The following PRLR variants were observed in gnomAD, a reference collection of about 807,000 sequenced individuals.
PRLR encodes prolactin receptor.
Under a neutral mutation model 40.2 loss-of-function variants are expected in PRLR, and 13 were observed. That is an observed-to-expected ratio of 0.32 (90% CI 0.21 to 0.51). The LOEUF is 0.51. Among genes scored for constraint, PRLR ranks in the 20% least tolerant of loss-of-function variants. PRLR has a pLI of 0.97. For synonymous variants in PRLR, 269 were observed against 278.7 expected, an observed-to-expected ratio of 0.97 and a Z score of 0.35; for missense variants, 656 against 747.3, an observed-to-expected ratio of 0.88 and a Z score of 1.42.
At position 35,097,497 on chromosome 5, in the gene PRLR, C is replaced by T. The variant is rs1771604500; in HGVS notation, c.-43-7834G>A. ...TGAGTTGGATATGGAGGAAGAGGAA[C>T]TCAGGATTTGATCTCTGGGGTCTGT... is the stretch of plus-strand genomic sequence containing the variant. On this transcript the variant is annotated intron_variant, in intron 2 of 9. Coordinates refer to ENST00000618457, the MANE Select transcript of PRLR (RefSeq NM_000949.7). Among the ~76,000 whole-genome samples, 6 of 152,142 alleles carry T rather than the reference C, an allele frequency of 3.9e-5. No individual in the cohort carries two copies. The South Asian group carries it at 1.2e-3, about 32-fold the overall frequency.
In PRLR at chr5:35,062,495, T is replaced by C. The variant is rs1386762589; in HGVS notation, c.*2594A>G. The C allele has an allele frequency of 6.6e-6, 1 of 151,212 alleles. No individual in the cohort carries two copies. The highest frequency in any genetic ancestry group is 1.5e-5 in the Non-Finnish European group (1 of 68,002). The allele number at this position is 151,212 out of a possible 1,614,324, so 9.4% of individuals were successfully genotyped here. ...AATTCAGATAAACAGTGCTAATTGA[T>C]CATAGAATTAAAGTCTTGGCCTAAT... On this transcript the variant is annotated 3_prime_UTR_variant, in exon 10 of 10. Coordinates refer to ENST00000618457, the MANE Select transcript of PRLR (RefSeq NM_000949.7).
At chr5:35,178,896 A>G (rs1482591617) in intron 1 of PRLR, among the ~76,000 whole-genome samples, 1 of 152,186 alleles carries the variant, frequency 6.6e-6, no homozygotes, top group Admixed American at 6.5e-5. Flanking sequence ...AAGTTTTGAG[A>G]TAGGATTTCT....
chr5:35,138,228 G>T (rs939651483), intron 1 of PRLR, among the ~76,000 whole-genome samples: 12 of 152,170 alleles, frequency 7.9e-5, no homozygotes, highest in Non-Finnish European at 1.8e-4. Flanking sequence ...CCTTTTAAAA[G>T]ATACTTTGGA....
At chr5:35,105,342 G>A (rs1011221858) in intron 2 of PRLR, among the ~76,000 whole-genome samples, 5 of 152,184 alleles carry the variant, frequency 3.3e-5, no homozygotes, top group South Asian at 2.1e-4. Context: ...GCAGCTCCTC[G>A]CCAGCAATGG....
intron 1 of PRLR, among the ~76,000 whole-genome samples, chr5:35,204,283 T>G (rs1474529332): frequency 2.7e-5 from 4 of 150,862 alleles, no homozygotes. Context: ...CAGAATGTAA[T>G]GTTATCTTAC....
At chr5:35,121,266 A>T (rs1475612313) in intron 1 of PRLR, among the ~76,000 whole-genome samples, 2 of 152,174 alleles carry the variant, frequency 1.3e-5, no homozygotes, top group Admixed American at 6.5e-5. Flanking sequence ...ATGGAGAGTA[A>T]GTTGGATGAT....
chr5:35,064,930 A>G lies in PRLR; in HGVS notation c.*159T>C. ...AAACATAATGATTTGTTCTGGAATC[A>G]GCTGCTGGAGAAAGAGGCAAGTGGT... On this transcript the variant is annotated 3_prime_UTR_variant, in exon 10 of 10. Coordinates refer to ENST00000618457, the MANE Select transcript of PRLR (RefSeq NM_000949.7). The G allele has an allele frequency of 1.4e-6, 1 of 730,322 alleles. No homozygotes were observed. Among genetic ancestry groups the G allele is most frequent in the Non-Finnish European group, 2.2e-6 (1 of 453,064 alleles). The allele number at this position is 730,322 out of a possible 1,614,324, so 45.2% of individuals were successfully genotyped here. A position where few individuals can be genotyped will look rare whatever the true frequency, so the allele number is the denominator to read the frequency against.
intron 1 of PRLR, among the ~76,000 whole-genome samples, chr5:35,188,734 T>C (rs886994335): frequency 3.9e-5 from 6 of 152,216 alleles, no homozygotes; most frequent in African/African-American, 1.4e-4. Context: ...GCCACACTAA[T>C]ACAAACCGGT....
rs191485496 is a variant in PRLR, at chr5:35,134,702, G to T, written c.-105-16580C>A. The stretch of plus-strand genomic sequence containing the variant: ...AGGTGTCTTTTGTTACATTCTACTG[G>T]TGGAAAAGTAAAGTGGCAAGAAAGC... On this transcript the variant is annotated intron_variant, in intron 1 of 9. Transcript: ENST00000618457. Among the ~76,000 whole-genome samples, 3 of 152,288 alleles carry T rather than the reference G, an allele frequency of 2.0e-5. No homozygotes were observed. The East Asian group carries it at 5.8e-4, about 29-fold the overall frequency.
Position 35,128,559 on chromosome 5 carries a change from A to G in PRLR, c.-105-10437T>C, listed in dbSNP as rs1429915287. Among the ~76,000 whole-genome samples, 3 of 151,544 alleles carry G rather than the reference A, an allele frequency of 2.0e-5. 1 individual carries two copies. The highest frequency in any genetic ancestry group is 2.4e-5 in the African/African-American group (1 of 41,318). On this transcript the variant is annotated intron_variant, in intron 1 of 9. Transcript: ENST00000618457. ...GTTTTATCCTTGATTGGTTGAATTCATGGATGTAAAACTTGCGAATACAAA... is the reference window on the plus strand; with the variant it reads ...GTTTTATCCTTGATTGGTTGAATTCGTGGATGTAAAACTTGCGAATACAAA...
intron 1 of PRLR, among the ~76,000 whole-genome samples, chr5:35,136,145 G>C (rs192936117): frequency 6.6e-6 from 1 of 152,260 alleles, no homozygotes; most frequent in Admixed American, 6.5e-5. Flanking sequence ...TTTGATGAAA[G>C]CTCCCTTCCC....
intron 1 of PRLR, among the ~76,000 whole-genome samples, chr5:35,118,961 A>G (rs528467187): frequency 6.6e-6 from 1 of 151,982 alleles, no homozygotes; most frequent in Non-Finnish European, 1.5e-5. Flanking sequence ...CACCTGGCGA[A>G]GTTTTTGTAT....
intron 1 of PRLR, among the ~76,000 whole-genome samples, chr5:35,189,417 C>T (rs1775538325): frequency 6.6e-6 from 1 of 152,078 alleles, no homozygotes; most frequent in Admixed American, 6.5e-5. Flanking sequence ...CCCATCCTTA[C>T]TAAAAATACA....
chr5:35,196,429 G>C (rs879261861), intron 1 of PRLR, among the ~76,000 whole-genome samples: 1 of 152,224 alleles, frequency 6.6e-6, no homozygotes, highest in Non-Finnish European at 1.5e-5. Context: ...GGCATCAATA[G>C]AGAAGGGTGT....
chr5:35,153,758 TACACACAC>T (rs146437480), intron 1 of PRLR, among the ~76,000 whole-genome samples: 2 of 140,606 alleles, frequency 1.4e-5, no homozygotes, highest in Non-Finnish European at 3.0e-5. Context: ...CTACACACAC[TACACACAC>T]ACACACACAC....
At chr5:35,145,573 A>G (rs1311219207) in intron 1 of PRLR, among the ~76,000 whole-genome samples, 1 of 152,154 alleles carries the variant, frequency 6.6e-6, no homozygotes, top group Non-Finnish European at 1.5e-5. Context: ...GGCTTTCTCT[A>G]TGCTTTTGCC....
intron 2 of PRLR, among the ~76,000 whole-genome samples, chr5:35,108,912 A>G (rs1772457133): frequency 6.6e-6 from 1 of 152,234 alleles, no homozygotes; most frequent in Non-Finnish European, 1.5e-5. Context: ...TTGCCAAGAC[A>G]ATCCTAAGCC....
downstream of PRLR, among the ~76,000 whole-genome samples, chr5:35,053,734 A>T (rs1338008515): frequency 1.3e-5 from 2 of 152,244 alleles, no homozygotes; most frequent in Non-Finnish European, 2.9e-5. Context: ...ATAAAGATGT[A>T]ACTTCTGGCA....
intron 1 of PRLR, among the ~76,000 whole-genome samples, chr5:35,184,980 T>C (rs1044676932): frequency 6.6e-6 from 1 of 152,232 alleles, no homozygotes; most frequent in Non-Finnish European, 1.5e-5. Flanking sequence ...CTCTAGATTA[T>C]AGCAACAAAG....
Sources: allele counts gnomAD v4.1 joint callset (sites outside exome capture counted in the v4.1 genomes callset), GRCh38; gene constraint gnomAD v4.1.1; transcripts MANE v1.5; gene names NCBI Gene and HGNC (gene_info 2026-07-23, HGNC 2026-07-21).